The following SRGAP3 variants were observed in gnomAD, a reference collection of about 807,000 sequenced individuals.
SRGAP3 encodes SLIT-ROBO Rho GTPase-activating protein 3.
SRGAP3 carries 39 observed loss-of-function variants against 121.1 expected under a neutral mutation model. That is an observed-to-expected ratio of 0.32 (90% CI 0.25 to 0.42). The LOEUF is 0.42. SRGAP3 is among the 10% of genes least tolerant of loss of function. The probability of loss-of-function intolerance (pLI) is 1.00; values close to 1 mark genes in which losing one functional copy is unlikely to be tolerated. For synonymous variants in SRGAP3, 601 were observed against 570.0 expected, an observed-to-expected ratio of 1.05 and a Z score of -0.77; for missense variants, 1,213 against 1,470.6, an observed-to-expected ratio of 0.82 and a Z score of 2.86.
chr3:9,154,326 C>T (rs541782645), intron 1 of SRGAP3, among the ~76,000 whole-genome samples: 4 of 152,068 alleles, frequency 2.6e-5, no homozygotes, highest in East Asian at 1.9e-4. Context: ...AGGTAAGACG[C>T]TAAACAACGT....
intron 1 of SRGAP3, among the ~76,000 whole-genome samples, chr3:9,360,279 A>G (rs1178655066): frequency 6.6e-6 from 1 of 152,188 alleles, no homozygotes; most frequent in African/African-American, 2.4e-5. Context: ...TTGGGTATAA[A>G]GCTATTACAG....
At chr3:9,291,906 T>A (rs1954876355) in intron 3 of SRGAP3, among the ~76,000 whole-genome samples, 1 of 152,212 alleles carries the variant, frequency 6.6e-6, no homozygotes, top group Admixed American at 6.5e-5. Flanking sequence ...ACTTAAGTTC[T>A]ATTGCCAGCC....
At chr3:9,155,277 C>T (rs953079039) in intron 1 of SRGAP3, among the ~76,000 whole-genome samples, 4 of 152,086 alleles carry the variant, frequency 2.6e-5, no homozygotes, top group African/African-American at 9.7e-5. Context: ...TCAGGCTAGC[C>T]GTTGTCCCTT....
chr3:9,006,016 G>C (rs553232502), intron 18 of SRGAP3, among the ~76,000 whole-genome samples: 15 of 152,298 alleles, frequency 9.8e-5, no homozygotes, highest in South Asian at 6.2e-4. Flanking sequence ...CCGCAAGCCA[G>C]TTTACCATGT....
At chr3:9,248,639 C>T (rs538488202) in intron 1 of SRGAP3, among the ~76,000 whole-genome samples, 2 of 152,162 alleles carry the variant, frequency 1.3e-5, no homozygotes, top group African/African-American at 2.4e-5. Flanking sequence ...TAGGATCCTC[C>T]TCACACACCT....
intron 21 of SRGAP3, among the ~76,000 whole-genome samples, chr3:8,990,275 C>T (rs1941957354): frequency 6.6e-6 from 1 of 152,258 alleles, no homozygotes. Context: ...ATGCCCTCTC[C>T]AGCCCTGGAC....
intron 3 of SRGAP3, among the ~76,000 whole-genome samples, chr3:9,259,060 G>A (rs912711316): frequency 5.9e-5 from 9 of 151,994 alleles, no homozygotes; most frequent in East Asian, 3.9e-4. Context: ...TCCCTACTCC[G>A]GGCCATGCTT....
In SRGAP3 at chr3:9,312,820, T is replaced by A. The variant is rs141076111; in HGVS notation, n.442+13190A>T. On this transcript the variant is annotated intron_variant and non_coding_transcript_variant, in intron 3 of 3. Coordinates refer to the SRGAP3 transcript ENST00000490889. ...GGCAACATAGCGAGACCCTGTCTCT[T>A]CAAAAAATTAAAATTTAAAAAATTA... is the stretch of plus-strand genomic sequence containing the variant. 5.3e-5 allele frequency among the ~76,000 whole-genome samples: 8 copies of A among 151,730 alleles called. No homozygotes were observed. The East Asian group carries it at 1.6e-3, about 30-fold the overall frequency.
At chr3:9,357,676 A>G (rs950058668) in intron 1 of SRGAP3, among the ~76,000 whole-genome samples, 1 of 151,824 alleles carries the variant, frequency 6.6e-6, no homozygotes, top group African/African-American at 2.4e-5. Flanking sequence ...TCTGACCAGA[A>G]TTTAATAACT....
chr3:9,254,327 A>C (rs1954079482), upstream of SRGAP3, among the ~76,000 whole-genome samples: 1 of 152,258 alleles, frequency 6.6e-6, no homozygotes, highest in Non-Finnish European at 1.5e-5. Context: ...TATTATGCTA[A>C]GTCAAAGAAA....
At chr3:9,045,708 G>A (rs1237403147) in intron 10 of SRGAP3, among the ~76,000 whole-genome samples, 9 of 152,296 alleles carry the variant, frequency 5.9e-5, no homozygotes, top group Middle Eastern at 6.8e-3. Context: ...GCACCAAGAA[G>A]GCGTGGGCAG....
At chr3:9,102,815 T>C (rs557466366) in intron 3 of SRGAP3, among the ~76,000 whole-genome samples, 29 of 152,310 alleles carry the variant, frequency 1.9e-4, no homozygotes, top group Middle Eastern at 3.4e-3. Context: ...AAAAGATTTA[T>C]CTCACTTGTC....
chr3:9,342,752 G>C (rs533575772), intron 1 of SRGAP3, among the ~76,000 whole-genome samples: 1 of 152,342 alleles, frequency 6.6e-6, no homozygotes, highest in African/African-American at 2.4e-5. Context: ...ACAGTGAATT[G>C]AAGATCAGAT....
At chr3:9,179,241 T>C (rs1287563227) in intron 1 of SRGAP3, among the ~76,000 whole-genome samples, 9 of 152,174 alleles carry the variant, frequency 5.9e-5, no homozygotes, top group Admixed American at 4.6e-4. Context: ...TTTCAATATG[T>C]TAGGTCGAGA....
Position 9,205,184 on chromosome 3 carries a change from T to C in SRGAP3, c.67+43701A>G, listed in dbSNP as rs189739257. Among the ~76,000 whole-genome samples the C allele has an allele frequency of 1.3e-3, 197 of 152,334 alleles. 1 individual carries two copies. The highest frequency in any genetic ancestry group is 8.1e-3 in the Admixed American group (124 of 15,304). On this transcript the variant is annotated intron_variant, in intron 1 of 21. Transcript: ENST00000383836. ...ACAAAGTCACAAGTGTAATTTTAAA[T>C]TTCCTAGTAGCCACACTAAAAAATT... is the stretch of plus-strand genomic sequence containing the variant.
At chr3:9,053,414 C>T (rs1945676198) in intron 8 of SRGAP3, among the ~76,000 whole-genome samples, 190 bp from the exon 9 acceptor site, 1 of 152,234 alleles carries the variant, frequency 6.6e-6, no homozygotes, top group South Asian at 2.1e-4. Flanking sequence ...AATCACACAG[C>T]TGGCTGGGAT....
intron 1 of SRGAP3, among the ~76,000 whole-genome samples, chr3:9,199,611 G>A (rs925425731): frequency 6.6e-6 from 1 of 152,090 alleles, no homozygotes; most frequent in African/African-American, 2.4e-5. Context: ...GCTTTTGTTT[G>A]TTTTTTATTA....
intron 3 of SRGAP3, among the ~76,000 whole-genome samples, chr3:9,091,725 C>A (rs1350455394): frequency 1.3e-5 from 2 of 152,162 alleles, no homozygotes; most frequent in Admixed American, 6.6e-5. Flanking sequence ...ACCGGGCTAT[C>A]GGCTCTCCAT....
At chr3:9,049,079 C>T (rs1945428157) in intron 9 of SRGAP3, among the ~76,000 whole-genome samples, 2 of 152,290 alleles carry the variant, frequency 1.3e-5, no homozygotes, top group South Asian at 4.1e-4. Context: ...ATTGTCCCAG[C>T]CAGCACACTA....
Sources: gnomAD v4.1 joint callset for allele counts (sites outside exome capture counted in the v4.1 genomes callset) on GRCh38, gnomAD v4.1.1 for gene constraint, MANE v1.5 for transcripts, NCBI Gene and HGNC (gene_info 2026-07-23, HGNC 2026-07-21) for gene names.